Variants in CEMIP2 observed in about 807,000 individuals in gnomAD.
CEMIP2 encodes the protein cell migration inducing hyaluronidase 2.
A neutral mutation model predicts 146.9 loss-of-function variants in CEMIP2; 79 were observed. The ratio of observed to expected loss-of-function variants is 0.54; its 90% CI spans 0.45 to 0.65. CEMIP2 has a LOEUF of 0.65. Ranked by LOEUF, CEMIP2 falls within the 30% of genes least tolerant of loss-of-function variation. The probability of loss-of-function intolerance (pLI) is 0.00; values close to 1 mark genes in which losing one functional copy is unlikely to be tolerated. For missense variants in CEMIP2, 1,596 were observed against 1,696.2 expected (o/e 0.94, Z 1.04); for synonymous variants, 601 against 606.3 (o/e 0.99, Z 0.13).
chr9:71,765,591 T>C (rs922904497), intron 1 of CEMIP2, among the ~76,000 whole-genome samples: 33 of 152,230 alleles, frequency 2.2e-4, no homozygotes, highest in Non-Finnish European at 4.0e-4. Context: ...TACTATTTTG[T>C]CTGATTTAAC....
intron 1 of CEMIP2, among the ~76,000 whole-genome samples, chr9:71,761,844 T>C (rs917152589): frequency 2.6e-5 from 4 of 152,206 alleles, no homozygotes; most frequent in African/African-American, 9.6e-5. Flanking sequence ...GAGGAGGTGA[T>C]TGCTTGAGTT....
intron 2 of CEMIP2, among the ~76,000 whole-genome samples, chr9:71,749,401 T>C (rs1257173028): frequency 6.6e-6 from 1 of 151,518 alleles, no homozygotes; most frequent in Non-Finnish European, 1.5e-5. Context: ...ACTATACGTA[T>C]GACTAAAAAA....
chr9:71,722,271 G>C (rs1823254995), intron 12 of CEMIP2, among the ~76,000 whole-genome samples, 156 bp downstream of exon 12: 1 of 151,980 alleles, frequency 6.6e-6, no homozygotes, highest in East Asian at 1.9e-4. Context: ...ACAGGACCTG[G>C]GACAACAGAA....
chr9:71,722,449 G>A lies in CEMIP2; in HGVS notation c.2245C>T (p.Leu749Phe), dbSNP rs1365392447. The A allele has an allele frequency of 1.2e-6, 2 of 1,613,444 alleles. No homozygotes were observed. The highest frequency in any genetic ancestry group is 3.3e-5 in the Admixed American group (2 of 59,840). ...NSSAADPREY[L>F]CLDNSARFRP... is the part of the protein sequence containing the mutation. ...TACCTTGCACTATTGTCCAAACAGA[G>A]GTATTCCCTTGGGTCAGCAGCACTA... Residue 749 changes from leucine to phenylalanine, a missense_variant, in exon 12 of 24, where the codon CTC (leucine) becomes TTC (phenylalanine). Transcript: ENST00000377044.
At chr9:71,731,575 G>A (rs993053394) in intron 7 of CEMIP2, among the ~76,000 whole-genome samples, 23 of 152,012 alleles carry the variant, frequency 1.5e-4, no homozygotes, top group African/African-American at 5.5e-4. Flanking sequence ...AAAAACAAAT[G>A]CAAAAATTAG....
intron 5 of CEMIP2, 21 bp from the exon 6 acceptor site, chr9:71,735,015 A>G: frequency 1.9e-6 from 3 of 1,565,936 alleles, no homozygotes; most frequent in South Asian, 1.2e-5. Flanking sequence ...AAAAAAAAAA[A>G]GAAAAAGAAA....
At chr9:71,748,295 A>T (rs1824146516) in intron 2 of CEMIP2, among the ~76,000 whole-genome samples, 1 of 152,216 alleles carries the variant, frequency 6.6e-6, no homozygotes, top group Admixed American at 6.5e-5. Flanking sequence ...CAAAGCACTG[A>T]AAAGTAGCTC....
chr9:71,746,872 T>C (rs907297841), intron 2 of CEMIP2, among the ~76,000 whole-genome samples: 3 of 152,178 alleles, frequency 2.0e-5, no homozygotes, highest in African/African-American at 7.2e-5. Context: ...TCTTCAGCCA[T>C]GTGCACTCTC....
intron 21 of CEMIP2, among the ~76,000 whole-genome samples, chr9:71,692,599 A>C (rs937171818): frequency 6.6e-6 from 1 of 152,058 alleles, no homozygotes; most frequent in Non-Finnish European, 1.5e-5. Context: ...GAGGGGAACA[A>C]GCATAAACAC....
At chr9:71,723,683 G>C (rs1284785357) in intron 11 of CEMIP2, among the ~76,000 whole-genome samples, 1 of 152,096 alleles carries the variant, frequency 6.6e-6, no homozygotes, top group Non-Finnish European at 1.5e-5. Flanking sequence ...ACATTCAAAG[G>C]GTACTCAGTA....
At chr9:71,724,987 T>C (rs535262410) in intron 11 of CEMIP2, among the ~76,000 whole-genome samples, 1 of 151,656 alleles carries the variant, frequency 6.6e-6, no homozygotes, top group Non-Finnish European at 1.5e-5. Flanking sequence ...AAATCCATTA[T>C]GTAATTATTC....
chr9:71,685,664 T>A, intron 23 of CEMIP2, 79 bp downstream of exon 23: 1 of 1,189,290 alleles, frequency 8.4e-7, no homozygotes, highest in East Asian at 2.4e-5. Flanking sequence ...ATGAAAATGG[T>A]CTGGTAGCTG....
In CEMIP2 at chr9:71,740,379, C is replaced by G. The variant is rs886592704; in HGVS notation, c.1035-147G>C. ...TTTTTTCTATATGAGGCTGCAGTTC[C>G]AAACCTTGACTGCACCTAGTTCTCC... On this transcript the variant is annotated intron_variant, in intron 4 of 23. Coordinates refer to ENST00000377044, the MANE Select transcript of CEMIP2 (RefSeq NM_013390.3). 5 of 863,450 alleles carry G rather than the reference C, an allele frequency of 5.8e-6. No individual in the cohort carries two copies. In the Admixed American group the frequency reaches 1.1e-4, roughly 19 times the overall value. The allele number at this position is 863,450 out of a possible 1,614,324, so 53.5% of individuals were successfully genotyped here.
At chr9:71,728,692 T>C (rs62547022) in intron 10 of CEMIP2, among the ~76,000 whole-genome samples, 1 of 151,956 alleles carries the variant, frequency 6.6e-6, no homozygotes, top group African/African-American at 2.4e-5. Context: ...AAATTCCCAC[T>C]TGTATATAAA....
At chr9:71,758,031 T>C (rs965624406) in intron 1 of CEMIP2, among the ~76,000 whole-genome samples, 1 of 152,192 alleles carries the variant, frequency 6.6e-6, no homozygotes, top group Non-Finnish European at 1.5e-5. Context: ...AATCTTTCTA[T>C]ACGTAGTTTA....
chr9:71,734,879 ATAG>A lies in CEMIP2; in HGVS notation c.1317_1319del (p.Tyr440del). ...TGAACTCCTCTGCTTGGTACATGGA[ATAG>A]TCTGTGCTTGCGACCACAATCTGGT... is the stretch of plus-strand genomic sequence containing the variant. On this transcript the variant is annotated inframe_deletion, in exon 6 of 24. Transcript: ENST00000377044. 1 of 1,614,076 alleles carries A rather than the reference ATAG, an allele frequency of 6.2e-7. No homozygotes were observed. The highest frequency in any genetic ancestry group is 2.2e-5 in the East Asian group (1 of 44,868).
chr9:71,750,469 T>C, intron 1 of CEMIP2, 84 bp from the exon 2 acceptor site: 1 of 1,035,698 alleles, frequency 9.7e-7, no homozygotes, highest in Non-Finnish European at 1.3e-6. Context: ...GAGATGGAGT[T>C]TCACTCTTGT....
intron 8 of CEMIP2, 52 bp from the exon 9 acceptor site, chr9:71,730,305 T>G: frequency 6.4e-7 from 1 of 1,565,968 alleles, no homozygotes; most frequent in South Asian, 1.1e-5. Context: ...TGATTGTGAT[T>G]TAAGTGACAA....
In CEMIP2 at chr9:71,714,953, G is replaced by A. The variant is rs369389667; in HGVS notation, c.2572C>T (p.Arg858Ter). 5 of 1,613,218 alleles carry A rather than the reference G, an allele frequency of 3.1e-6. No individual in the cohort carries two copies. Among genetic ancestry groups the A allele is most frequent in the Non-Finnish European group, 3.4e-6 (4 of 1,179,724 alleles). The stretch of plus-strand genomic sequence containing the variant: ...GCTTACCTGTTCCTGGGTAATGTTC[G>A]AGGCTTCTGGTCTATTCCTCCAGTG... ...VGTGGIDQKPRTLPRNRTFPI... is the reference protein window; with the variant it reads ...VGTGGIDQKP Residue 858 changes from arginine (R) to a stop codon, truncating the protein, a stop_gained, in exon 15 of 24, where the codon CGA becomes TGA. Coordinates refer to ENST00000377044, the MANE Select transcript of CEMIP2 (RefSeq NM_013390.3). LOFTEE classifies it high-confidence loss of function.
Sources: gnomAD v4.1 joint callset for allele counts (sites outside exome capture counted in the v4.1 genomes callset) on GRCh38, gnomAD v4.1.1 for gene constraint, MANE v1.5 for transcripts, NCBI Gene and HGNC (gene_info 2026-07-23, HGNC 2026-07-21) for gene names.